Variants in RNF19B observed in about 807,000 individuals in gnomAD.
RNF19B encodes ring finger protein 19B.
In RNF19B, 23 loss-of-function variants were observed where a neutral mutation model predicts 65.5. The observed-to-expected ratio is 0.35, with a 90% CI of 0.25 to 0.50. The LOEUF is 0.50. Among genes scored for constraint, RNF19B ranks in the 20% least tolerant of loss-of-function variants. The pLI, the probability that RNF19B is intolerant of heterozygous loss-of-function variation, is 0.98. For synonymous variants in RNF19B, 372 were observed against 379.6 expected, an observed-to-expected ratio of 0.98 and a Z score of 0.23; for missense variants, 794 against 980.0, an observed-to-expected ratio of 0.81 and a Z score of 2.53.
downstream of RNF19B, among the ~76,000 whole-genome samples, chr1:32,935,299 G>A (rs931118353): frequency 2.0e-5 from 3 of 151,610 alleles, no homozygotes; most frequent in African/African-American, 7.3e-5. Flanking sequence ...CACCAGGCCT[G>A]GCTAACTTCT....
Position 32,945,495 on chromosome 1 carries a change from G to A in RNF19B, c.1261+19C>T. 1 of 1,473,522 alleles carries A rather than the reference G, an allele frequency of 6.8e-7. No homozygotes were observed. Among genetic ancestry groups the A allele is most frequent in the South Asian group, 1.1e-5 (1 of 88,076 alleles). 91.3% of individuals were successfully genotyped at this position (1,473,522 alleles called of 1,614,324 possible). A position where few individuals can be genotyped will look rare whatever the true frequency, so the allele number is the denominator to read the frequency against. ...GTCAGAAAGCTGAGAGAGAAGAGGT[G>A]TGGTCCTGACTAGCTTACCAACACT... On this transcript the variant is annotated intron_variant, in intron 5 of 8. Coordinates refer to ENST00000235150, the MANE Select transcript of RNF19B (RefSeq NM_001300826.2).
At chr1:32,959,495 T>C (rs997120413) in intron 1 of RNF19B, among the ~76,000 whole-genome samples, 2 of 152,300 alleles carry the variant, frequency 1.3e-5, no homozygotes, top group East Asian at 3.9e-4. Flanking sequence ...AAAAGATCAA[T>C]TGTACCAATT....
At chr1:32,950,165 G>A (rs1472996168) in intron 1 of RNF19B, among the ~76,000 whole-genome samples, 1 of 151,966 alleles carries the variant, frequency 6.6e-6, no homozygotes, top group Admixed American at 6.6e-5. Flanking sequence ...TAGAGATGGG[G>A]TTTCACCATG....
downstream of RNF19B, among the ~76,000 whole-genome samples, chr1:32,935,924 C>T (rs1403613897): frequency 6.6e-6 from 1 of 151,860 alleles, no homozygotes; most frequent in Non-Finnish European, 1.5e-5. Context: ...AATTTTTGTA[C>T]TTTTAATAGA....
In RNF19B at chr1:32,958,567, T is replaced by C. The variant is rs186168397; in HGVS notation, c.635+5484A>G. 1.9e-3 allele frequency among the ~76,000 whole-genome samples: 291 copies of C among 152,094 alleles called. 2 individuals are homozygous for C. Among genetic ancestry groups the C allele is most frequent in the African/African-American group, 6.7e-3 (277 of 41,480 alleles). On this transcript the variant is annotated intron_variant, in intron 1 of 8. Transcript: ENST00000235150. ...CCGTCTCTGCTAAAAATACAAAAAATTAGCCAGGCATGGTTGCAGGTGCCT... is the reference window on the plus strand; with the variant it reads ...CCGTCTCTGCTAAAAATACAAAAAACTAGCCAGGCATGGTTGCAGGTGCCT...
chr1:32,936,852 T>C lies in RNF19B; in HGVS notation c.2150A>G (p.Glu717Gly), dbSNP rs146151931. 1.3e-6 allele frequency: 2 copies of C among 1,595,754 alleles called. No individual in the cohort carries two copies. Among genetic ancestry groups the C allele is most frequent in the African/African-American group, 2.7e-5 (2 of 74,682 alleles). Residue 717 changes from glutamate to glycine, a missense_variant, in exon 9 of 9, where the codon GAG becomes GGG. Physicochemically the swap from Glu to Gly is moderately conservative, Grantham distance 98 (BLOSUM62 -2). Transcript: ENST00000235150. ...TTCTGGCTTCAAGACAGTTTGTCCC[T>C]CGGCTAGGGCAGAGAGGTTCATATG... ...SAHMNLSALA[E>G]GQTVLKPEGG...
Position 32,964,469 on chromosome 1 carries a change from G to T in RNF19B, c.217C>A (p.Gln73Lys). 1.0e-6 allele frequency: 1 copy of T among 961,560 alleles called. No individual in the cohort carries two copies. Among genetic ancestry groups the T allele is most frequent in the South Asian group, 4.8e-5 (1 of 21,044 alleles). 59.6% of individuals were successfully genotyped at this position (961,560 alleles called of 1,614,324 possible). A position where few individuals can be genotyped will look rare whatever the true frequency, so the allele number is the denominator to read the frequency against. ...PPPAPAPAAAQGPPPEALPAE... is the reference protein window; with the variant it reads ...PPPAPAPAAAKGPPPEALPAE... ...GGCAGCGCCTCGGGCGGCGGGCCCT[G>T]GGCCGCGGCAGGGGCCGGGGCGGGC... The change falls in exon 1 of 9, where the codon CAG becomes AAG. Residue 73 changes from glutamine (Q) to lysine (K), a missense_variant. Gln to Lys is a moderately conservative substitution (Grantham distance 53, BLOSUM62 1). Transcript: ENST00000235150. This position sits in a 1 kb window ranked among gnomAD's most constrained non-coding sequence, Gnocchi z 6.5.
chr1:32,952,506 A>G (rs1400983172), intron 1 of RNF19B, among the ~76,000 whole-genome samples: 1 of 148,520 alleles, frequency 6.7e-6, no homozygotes, highest in African/African-American at 2.5e-5. Flanking sequence ...ACTTTGGGAC[A>G]CTGAGGCAGG....
intron 7 of RNF19B, among the ~76,000 whole-genome samples, chr1:32,938,768 T>TAA (rs1642167387): frequency 6.6e-6 from 1 of 152,176 alleles, no homozygotes; most frequent in Non-Finnish European, 1.5e-5. Flanking sequence ...CATCATCTCC[T>TAA]GCCTGGATGA....
chr1:32,945,700 G>C (rs931853760), intron 4 of RNF19B, 72 bp from the exon 5 acceptor site: 12 of 817,452 alleles, frequency 1.5e-5, no homozygotes, highest in Non-Finnish European at 2.3e-5. Flanking sequence ...AAAAAGGACA[G>C]GTGAATATTC....
intron 1 of RNF19B, among the ~76,000 whole-genome samples, chr1:32,961,248 TAG>T (rs917593436): frequency 6.6e-5 from 10 of 152,156 alleles, no homozygotes; most frequent in Non-Finnish European, 1.5e-4. Context: ...GAAAGGAAAC[TAG>T]ACTCTAGTAT....
chr1:32,958,076 T>G (rs1570121063), intron 1 of RNF19B, among the ~76,000 whole-genome samples: 1 of 152,188 alleles, frequency 6.6e-6, no homozygotes, highest in Non-Finnish European at 1.5e-5. Flanking sequence ...ATTCAGAGCA[T>G]AAGGTTTATG....
chr1:32,948,191 A>G (rs911108282), intron 3 of RNF19B, 31 bp downstream of exon 3: 3 of 1,609,438 alleles, frequency 1.9e-6, no homozygotes, highest in Non-Finnish European at 1.7e-6. Flanking sequence ...GAATGAGACT[A>G]CGAAAGGAAT....
intron 8 of RNF19B, among the ~76,000 whole-genome samples, chr1:32,938,155 A>G (rs1160044122): frequency 1.3e-5 from 2 of 151,260 alleles, no homozygotes; most frequent in South Asian, 2.1e-4. Context: ...AAAAAAAAAA[A>G]AAAAAGAAAA....
downstream of RNF19B, among the ~76,000 whole-genome samples, chr1:32,933,278 G>A (rs896334730): frequency 1.1e-3 from 173 of 151,074 alleles, no homozygotes; most frequent in African/African-American, 3.9e-3. Flanking sequence ...TTTGTGAGAC[G>A]GAGTCTCGCT....
intron 7 of RNF19B, among the ~76,000 whole-genome samples, chr1:32,938,892 C>A (rs1178601020): frequency 6.6e-6 from 1 of 152,138 alleles, no homozygotes; most frequent in East Asian, 1.9e-4. Flanking sequence ...CTCTTGGCTC[C>A]CTACTGCCAA....
In RNF19B at chr1:32,946,590, A is replaced by G. The variant is rs758913107; in HGVS notation, c.984-26T>C. The G allele has an allele frequency of 1.9e-6, 3 of 1,605,818 alleles. No homozygotes were observed. In the Admixed American group the frequency reaches 5.1e-5, roughly 27 times the overall value. ...CTGCAGGGGAAACAGACTGAAGTTA[A>G]TGTCAACATTACAAATACAGCTAGT... On this transcript the variant is annotated intron_variant, in intron 3 of 8. Coordinates refer to ENST00000235150, the MANE Select transcript of RNF19B (RefSeq NM_001300826.2).
chr1:32,964,184 C>A lies in RNF19B; in HGVS notation c.502G>T (p.Glu168Ter). 6.5e-7 allele frequency: 1 copy of A among 1,546,294 alleles called. No individual in the cohort carries two copies. The highest frequency in any genetic ancestry group is 8.7e-7 in the Non-Finnish European group (1 of 1,145,162). Residue 168 changes from glutamate to a stop codon, truncating the protein, a stop_gained, in exon 1 of 9, where the codon GAG becomes TAG. Transcript: ENST00000235150. LOFTEE classifies it high-confidence loss of function. The surrounding 1 kb of genome is among the most constrained non-coding windows in gnomAD (Gnocchi z 6.5). Reference sequence around the variant, plus strand: ...CGGATGTCGTGCGGGTTGAGTCGCTCGCTGCACTCGGGGCAGCTGATGGGC... The same window carrying A: ...CGGATGTCGTGCGGGTTGAGTCGCTAGCTGCACTCGGGGCAGCTGATGGGC... ...RVPISCPECS[E>*]RLNPHDIRLL...
intron 7 of RNF19B, 136 bp from the exon 8 acceptor site, chr1:32,938,664 C>G: frequency 1.2e-6 from 1 of 841,864 alleles, no homozygotes; most frequent in East Asian, 2.5e-5. Context: ...TGTCAAACAG[C>G]GCAAATAGAT....
Sources: gnomAD v4.1 joint callset for allele counts (sites outside exome capture counted in the v4.1 genomes callset) on GRCh38, gnomAD v4.1.1 for gene constraint, Gnocchi (gnomAD v3.1) non-coding constraint, MANE v1.5 for transcripts, NCBI Gene and HGNC (gene_info 2026-07-23, HGNC 2026-07-21) for gene names.